MRPS6: variants seen among roughly 807,000 people sequenced by gnomAD.
MRPS6 encodes mitochondrial ribosomal protein S6.
A neutral mutation model predicts 13.1 loss-of-function variants in MRPS6; 6 were observed. The ratio of observed to expected loss-of-function variants is 0.46; its 90% CI spans 0.25 to 0.91. MRPS6 has a LOEUF of 0.91. MRPS6 is among the 40% of genes least tolerant of loss of function. MRPS6 has a pLI of 0.18. For missense variants in MRPS6, 164 were observed against 155.6 expected, an observed-to-expected ratio of 1.05 and a Z score of -0.29; for synonymous variants, 61 against 56.5, an observed-to-expected ratio of 1.08 and a Z score of -0.36.
intron 1 of MRPS6, chr21:34,102,972 A>T: frequency 1.0e-6 from 1 of 998,996 alleles, no homozygotes; most frequent in Non-Finnish European, 1.2e-6. Flanking sequence ...TGCTGGATAA[A>T]AGAGTGTTTA....
intron 1 of MRPS6, among the ~76,000 whole-genome samples, chr21:34,106,706 T>C (rs1177648015): frequency 6.6e-6 from 1 of 152,214 alleles, no homozygotes; most frequent in East Asian, 1.9e-4. Context: ...CCTGAGTACT[T>C]TGCGTGTATA....
intron 1 of MRPS6, chr21:34,104,260 C>A: frequency 1.0e-6 from 1 of 1,000,090 alleles, no homozygotes; most frequent in Non-Finnish European, 1.2e-6. Context: ...GGAGAGGATT[C>A]TTTCACTTGT....
intron 1 of MRPS6, among the ~76,000 whole-genome samples, chr21:34,112,332 A>G (rs773113610): frequency 1.3e-5 from 2 of 152,184 alleles, no homozygotes; most frequent in East Asian, 1.9e-4. Flanking sequence ...ACAGACTCCT[A>G]TATAATTACA....
intron 1 of MRPS6, among the ~76,000 whole-genome samples, chr21:34,085,340 C>T (rs1208624192): frequency 1.3e-5 from 2 of 152,136 alleles, no homozygotes; most frequent in Non-Finnish European, 2.9e-5. Flanking sequence ...ATGCATCACA[C>T]CGGGAGGCAT....
intron 2 of MRPS6, among the ~76,000 whole-genome samples, chr21:34,138,578 A>G (rs1478113113): frequency 3.9e-5 from 6 of 151,996 alleles, no homozygotes; most frequent in African/African-American, 7.3e-5. Context: ...CAAAAAACAC[A>G]TGAAAAAATG....
intron 1 of MRPS6, chr21:34,097,088 T>C: frequency 1.2e-6 from 2 of 1,614,012 alleles, no homozygotes; most frequent in East Asian, 2.2e-5. Flanking sequence ...CAGTTGACGC[T>C]TACTCCAATG....
intron 2 of MRPS6, among the ~76,000 whole-genome samples, chr21:34,138,828 C>T (rs919654785): frequency 1.3e-5 from 2 of 152,064 alleles, no homozygotes; most frequent in Non-Finnish European, 2.9e-5. Context: ...CCAGCCATCC[C>T]ATTACTGGGT....
chr21:34,110,353 A>C, intron 1 of MRPS6, among the ~76,000 whole-genome samples: 1 of 151,388 alleles, frequency 6.6e-6, no homozygotes, highest in East Asian at 1.9e-4. Context: ...AGTCCCAGCT[A>C]CTCAAGAGGC....
intron 1 of MRPS6, chr21:34,095,609 C>T: frequency 6.2e-7 from 1 of 1,613,766 alleles, no homozygotes; most frequent in Non-Finnish European, 8.5e-7. Flanking sequence ...ATATTTTCAC[C>T]AAGCTCTCGG....
At chr21:34,130,350 G>T (rs1046292949) in intron 2 of MRPS6, among the ~76,000 whole-genome samples, 2 of 152,210 alleles carry the variant, frequency 1.3e-5, no homozygotes, top group Non-Finnish European at 2.9e-5. Context: ...ACAACTAGGG[G>T]AGTCGGGGAA....
intron 1 of MRPS6, among the ~76,000 whole-genome samples, chr21:34,089,499 G>C (rs975652977): frequency 2.0e-5 from 3 of 152,062 alleles, no homozygotes; most frequent in African/African-American, 7.3e-5. Flanking sequence ...AAAAATTCAT[G>C]ATGAGCCAAA....
chr21:34,076,060 T>C (rs1042207242), intron 1 of MRPS6, among the ~76,000 whole-genome samples: 1 of 152,200 alleles, frequency 6.6e-6, no homozygotes, highest in African/African-American at 2.4e-5. Context: ...ACCCCTTTAA[T>C]ATGATGTATT....
chr21:34,114,427 A>G (rs1979824197), intron 1 of MRPS6, among the ~76,000 whole-genome samples: 1 of 152,118 alleles, frequency 6.6e-6, no homozygotes, highest in Admixed American at 6.6e-5. Flanking sequence ...CTTTGGGAGG[A>G]TGAGAAGCCA....
At position 34,096,891 on chromosome 21, in the gene MRPS6, T is replaced by C. The variant is rs750169308; in HGVS notation, c.45+23146T>C. ...GAACTGCTCCCCAAAAGAGGAACCA[T>C]ACAAAATGCAAGAAAAGAGCATTCT... On this transcript the variant is annotated intron_variant, in intron 1 of 2. Coordinates refer to ENST00000399312, the MANE Select transcript of MRPS6 (RefSeq NM_032476.4). This position sits in a 1 kb window ranked among gnomAD's most constrained non-coding sequence, Gnocchi z 5.9. 9.3e-6 allele frequency: 15 copies of C among 1,613,924 alleles called. No individual in the cohort carries two copies. Among genetic ancestry groups the C allele is most frequent in the Admixed American group, 3.3e-5 (2 of 59,988 alleles).
intron 1 of MRPS6, among the ~76,000 whole-genome samples, chr21:34,079,228 A>G (rs1284261782): frequency 6.6e-6 from 1 of 152,238 alleles, no homozygotes; most frequent in African/African-American, 2.4e-5. Context: ...CTTGAATTTC[A>G]TAAAACTTTC....
In MRPS6 at chr21:34,142,690, T is replaced by TATAA. The variant is rs1447542889; in HGVS notation, c.*91_*94dup. 7.2e-7 allele frequency: 1 copy of TATAA among 1,396,662 alleles called. No individual in the cohort carries two copies. The highest frequency in any genetic ancestry group is 2.6e-5 in the East Asian group (1 of 38,660). 86.5% of individuals were successfully genotyped at this position (1,396,662 alleles called of 1,614,324 possible). On this transcript the variant is annotated 3_prime_UTR_variant, in exon 3 of 3. Transcript: ENST00000399312. ...GAAGAATTTGCAAGTTTGGCCTTTA[T>TATAA]ATAAGCATGTGTTGCAGGTGCTGTT...
At chr21:34,115,944 T>G (rs887388087) in intron 1 of MRPS6, among the ~76,000 whole-genome samples, 1 of 151,260 alleles carries the variant, frequency 6.6e-6, no homozygotes, top group East Asian at 1.9e-4. Flanking sequence ...GGAAGATACA[T>G]GGATGTACTC....
intron 1 of MRPS6, among the ~76,000 whole-genome samples, chr21:34,121,145 G>C (rs1474722458): frequency 6.6e-6 from 1 of 152,192 alleles, no homozygotes; most frequent in East Asian, 1.9e-4. Flanking sequence ...TTGCTGTAGT[G>C]CTGTTAGAAG....
intron 1 of MRPS6, among the ~76,000 whole-genome samples, chr21:34,109,806 T>TG (rs922826018): frequency 6.6e-6 from 1 of 150,756 alleles, no homozygotes; most frequent in African/African-American, 2.5e-5. Context: ...AGGTTGTACC[T>TG]GAAAAAAAAA....
Sources: gnomAD v4.1 joint callset for allele counts (sites outside exome capture counted in the v4.1 genomes callset) on GRCh38, gnomAD v4.1.1 for gene constraint, Gnocchi (gnomAD v3.1) non-coding constraint, MANE v1.5 for transcripts, NCBI Gene and HGNC (gene_info 2026-07-23, HGNC 2026-07-21) for gene names.